Variants in SMC6 observed in about 807,000 individuals in gnomAD.
The protein encoded by SMC6 is structural maintenance of chromosomes protein 6.
Under a neutral mutation model 142.2 loss-of-function variants are expected in SMC6, and 79 were observed. The observed-to-expected ratio is 0.56, with a 90% CI of 0.46 to 0.67. The LOEUF (loss-of-function observed/expected upper bound fraction) is 0.67. Ranked by LOEUF, SMC6 falls within the 30% of genes least tolerant of loss-of-function variation. The pLI is 0.00. For synonymous variants in SMC6, 411 were observed against 412.4 expected (o/e 1.00, Z 0.04); for missense variants, 1,072 against 1,284.0 (o/e 0.83, Z 2.52).
intron 19 of SMC6, among the ~76,000 whole-genome samples, chr2:17,702,930 CA>C (rs1668340502): frequency 6.6e-6 from 1 of 152,046 alleles, no homozygotes; most frequent in Non-Finnish European, 1.5e-5. Context: ...AGTGTGAAAA[CA>C]GACTAATACA....
At position 17,717,125 on chromosome 2, in the gene SMC6, C is replaced by T. The variant is rs757643474; in HGVS notation, c.1144G>A (p.Glu382Lys). The change falls in exon 13 of 28, where the codon GAG (glutamate) becomes AAG (lysine). Residue 382 changes from glutamate (E) to lysine (K), a missense_variant. Transcript: ENST00000448223. ...TCTTCAATTCGTTTACAAAGCTGCT[C>T]ATCATCTTTCTTTAATGCTTTATAT... ...NEYKALKKDD[E>K]QLCKRIEELK... The T allele has an allele frequency of 2.5e-6, 4 of 1,612,184 alleles. No homozygotes were observed. Among genetic ancestry groups the T allele is most frequent in the Admixed American group, 3.3e-5 (2 of 59,792 alleles).
intron 24 of SMC6, 111 bp downstream of exon 24, chr2:17,683,527 A>G (rs1667322020): frequency 1.4e-5 from 14 of 1,005,680 alleles, no homozygotes; most frequent in Non-Finnish European, 1.9e-5. Flanking sequence ...TAAGAACTGA[A>G]TAACAAAGCA....
chr2:17,681,560 C>T (rs1363264527), intron 24 of SMC6: 2 of 152,130 alleles, frequency 1.3e-5, no homozygotes, highest in Non-Finnish European at 2.9e-5. Context: ...AGGCTATTAA[C>T]TAGCCTAATT....
rs371569631 is a variant in SMC6 at position 17,703,239 on chromosome 2, T to C, written c.2060A>G (p.Gln687Arg). 7.6e-5 allele frequency: 122 copies of C among 1,607,072 alleles called. No homozygotes were observed. The highest frequency in any genetic ancestry group is 9.8e-5 in the Non-Finnish European group (115 of 1,176,092). The change falls in exon 19 of 28, where the codon CAA becomes CGA. Residue 687 changes from glutamine (Q) to arginine (R), a missense_variant. Gln to Arg is a conservative substitution (Grantham distance 43). This residue lies in a region of SMC6 where 994 missense variants were observed against 1,153.2 expected (regional missense o/e 0.86). Transcript: ENST00000448223. ...NKTAQILNLQ[Q>R]HLSALEKDIK... ...ATCTTTTTCAAGGGCAGATAAATGT[T>C]GCTGAAGATTTAATATCTGGGCCGT...
chr2:17,746,046 T>C (rs1285099644), intron 2 of SMC6, 95 bp from the exon 3 acceptor site: 5 of 1,194,274 alleles, frequency 4.2e-6, no homozygotes, highest in African/African-American at 1.6e-5. Flanking sequence ...AAACTTTAGG[T>C]ACTATGTCCA....
intron 6 of SMC6, among the ~76,000 whole-genome samples, chr2:17,731,462 A>C (rs1234708228): frequency 1.3e-5 from 2 of 152,254 alleles, no homozygotes; most frequent in Non-Finnish European, 2.9e-5. Flanking sequence ...ACATGCTATA[A>C]AAACCCTGGT....
chr2:17,671,976 C>A (rs190740519), intron 25 of SMC6, among the ~76,000 whole-genome samples: 224 of 152,120 alleles, frequency 1.5e-3, no homozygotes, highest in African/African-American at 5.3e-3. Flanking sequence ...TGATACTGCT[C>A]TCAAGTGAGC....
chr2:17,742,340 T>C (rs1028490386), intron 3 of SMC6, among the ~76,000 whole-genome samples: 4 of 152,256 alleles, frequency 2.6e-5, no homozygotes, highest in African/African-American at 7.2e-5. Flanking sequence ...CCTGCTCTTC[T>C]TGTGACTTTG....
intron 2 of SMC6, among the ~76,000 whole-genome samples, chr2:17,752,063 T>C (rs531997647): frequency 2.4e-4 from 37 of 152,338 alleles, no homozygotes; most frequent in Admixed American, 8.5e-4. Context: ...TGCAGACAGA[T>C]GTCGATATAT....
chr2:17,719,366 C>A (rs1368389234), intron 11 of SMC6, among the ~76,000 whole-genome samples: 2 of 152,128 alleles, frequency 1.3e-5, no homozygotes, highest in Non-Finnish European at 2.9e-5. Context: ...TAATCAAGCA[C>A]ACACAATGTG....
intron 18 of SMC6, among the ~76,000 whole-genome samples, chr2:17,704,835 C>T (rs1051270393): frequency 3.9e-5 from 6 of 151,906 alleles, no homozygotes; most frequent in African/African-American, 1.5e-4. Flanking sequence ...AAGAGAATAG[C>T]GCAATTTCTG....
chr2:17,715,886 A>G (rs1209212202), intron 15 of SMC6, among the ~76,000 whole-genome samples, 200 bp downstream of exon 15: 5 of 152,158 alleles, frequency 3.3e-5, no homozygotes, highest in African/African-American at 1.2e-4. Context: ...ATTCAACTCT[A>G]TGATTACTTT....
chr2:17,728,388 C>T (rs1260229281), intron 7 of SMC6, among the ~76,000 whole-genome samples: 1 of 152,066 alleles, frequency 6.6e-6, no homozygotes, highest in Non-Finnish European at 1.5e-5. Context: ...GAGTCGTGAT[C>T]ATGCTGCTGC....
chr2:17,737,289 T>C (rs1244805422), intron 5 of SMC6, among the ~76,000 whole-genome samples: 2 of 152,168 alleles, frequency 1.3e-5, no homozygotes, highest in Admixed American at 6.5e-5. Context: ...AGAAGGTAAA[T>C]GGATATAACA....
Position 17,670,381 on chromosome 2 carries a change from CA to C in SMC6, c.3063+41del, listed in dbSNP as rs1558322311. ...TTCCTTTAGAAATACATGTTTCAAA[CA>C]AACAAAAAAATGAAAAAGAGAATTT... is the stretch of plus-strand genomic sequence containing the variant. On this transcript the variant is annotated intron_variant, in intron 26 of 27. Transcript: ENST00000448223. 1.9e-6 allele frequency: 3 copies of C among 1,570,700 alleles called. No homozygotes were observed. In the South Asian group the frequency reaches 3.5e-5, roughly 19 times the overall value.
intron 18 of SMC6, 136 bp downstream of exon 18, chr2:17,707,083 T>A (rs1668547049): frequency 5.4e-6 from 3 of 556,480 alleles, no homozygotes; most frequent in African/African-American, 2.0e-5. Flanking sequence ...ACTAGCTAAG[T>A]GATGTTTTAA....
chr2:17,738,151 A>C, intron 5 of SMC6, 70 bp downstream of exon 5: 1 of 1,142,630 alleles, frequency 8.8e-7, no homozygotes, highest in South Asian at 1.3e-5. Context: ...TGTCTATGTG[A>C]ACTGGGAATC....
At chr2:17,742,305 G>C (rs1670512765) in intron 3 of SMC6, among the ~76,000 whole-genome samples, 1 of 152,178 alleles carries the variant, frequency 6.6e-6, no homozygotes, top group South Asian at 2.1e-4. Context: ...TCAGAGAGCA[G>C]AGTACATGTT....
intron 26 of SMC6, among the ~76,000 whole-genome samples, chr2:17,666,865 C>G (rs1433511094): frequency 6.6e-6 from 1 of 151,760 alleles, no homozygotes; most frequent in Non-Finnish European, 1.5e-5. Flanking sequence ...GCCTGTCATC[C>G]TAGCTACTCG....
Sources: allele counts gnomAD v4.1 joint callset (sites outside exome capture counted in the v4.1 genomes callset), GRCh38; gene constraint gnomAD v4.1.1; regional missense constraint gnomAD v4.1.1; transcripts MANE v1.5; gene names NCBI Gene and HGNC (gene_info 2026-07-23, HGNC 2026-07-21).